The following PUDP variants were observed in gnomAD, a reference collection of about 807,000 sequenced individuals.
PUDP encodes pseudouridine 5'-phosphatase, also known as pseudouridine-5'-phosphatase.
PUDP carries 8 observed loss-of-function variants against 9.4 expected under a neutral mutation model. The observed-to-expected ratio is 0.85, with a 90% CI of 0.50 to 1.53. The LOEUF is 1.53. PUDP is among the 40% of genes most tolerant of loss of function. The pLI is 0.00. For synonymous variants in PUDP, 99 were observed against 80.7 expected, an observed-to-expected ratio of 1.23 and a Z score of -1.22; for missense variants, 188 against 189.7, an observed-to-expected ratio of 0.99 and a Z score of 0.05.
At chrX:6,887,020 T>G (rs942929705) in intron 3 of PUDP, among the ~76,000 whole-genome samples, 4 of 106,421 alleles carry the variant, frequency 3.8e-5, no homozygotes, top group Non-Finnish European at 7.7e-5. Context: ...AGATTACATA[T>G]ATTATATATC....
At chrX:6,877,338 T>G (rs1241192098) in intron 3 of PUDP, among the ~76,000 whole-genome samples, 1 of 110,995 alleles carries the variant, frequency 9.0e-6, no homozygotes, top group African/African-American at 3.3e-5. Context: ...CATCCTAACA[T>G]AAAAAAGAAT....
intron 3 of PUDP, among the ~76,000 whole-genome samples, chrX:6,766,431 ATACTT>A (rs1479397920): frequency 8.9e-6 from 1 of 111,783 alleles, no homozygotes; most frequent in Non-Finnish European, 1.9e-5. Flanking sequence ...TGCTGGAAAA[ATACTT>A]AAGATAATTA....
intron 3 of PUDP, among the ~76,000 whole-genome samples, chrX:6,930,075 T>C (rs887880993): frequency 9.0e-6 from 1 of 111,082 alleles, no homozygotes; most frequent in Non-Finnish European, 1.9e-5. Context: ...AAAAATAGGA[T>C]AGGACTTTCC....
At chrX:7,133,356 G>A in intron 1 of PUDP, among the ~76,000 whole-genome samples, 1 of 111,599 alleles carries the variant, frequency 9.0e-6, no homozygotes, top group Non-Finnish European at 1.9e-5. Flanking sequence ...AGAGGACAGG[G>A]CCCATAACAA....
In PUDP at chrX:7,120,627, T is replaced by A. The variant is rs141779392; in HGVS notation, c.62-14789A>T. 9.0e-3 allele frequency among the ~76,000 whole-genome samples: 1,009 copies of A among 112,058 alleles called. 9 individuals carry two copies. The highest frequency in any genetic ancestry group is 0.03 in the African/African-American group (938 of 30,824). ...AGTTAACTATAAATTTACCATACAA[T>A]CCTCAGGAAGGAATCAGTCCAGTCC... On this transcript the variant is annotated intron_variant, in intron 1 of 3. Coordinates refer to ENST00000381077, the MANE Select transcript of PUDP (RefSeq NM_012080.5).
intron 3 of PUDP, among the ~76,000 whole-genome samples, chrX:6,903,352 G>A (rs1251114727): frequency 9.0e-6 from 1 of 111,479 alleles, no homozygotes; most frequent in Non-Finnish European, 1.9e-5. Context: ...GTGGCCCACA[G>A]ACAGGGTAAT....
At chrX:6,913,603 C>T (rs1260157612) in intron 3 of PUDP, among the ~76,000 whole-genome samples, 1 of 111,648 alleles carries the variant, frequency 9.0e-6, no homozygotes, top group Non-Finnish European at 1.9e-5. Flanking sequence ...TTACCCACTC[C>T]AGTCTTCCAT....
At chrX:6,973,069 T>C in intron 3 of PUDP, among the ~76,000 whole-genome samples, 1 of 112,230 alleles carries the variant, frequency 8.9e-6, no homozygotes, top group Non-Finnish European at 1.9e-5. Context: ...TTTGTAATTT[T>C]TTATTGTGTC....
At chrX:7,081,134 T>C (rs1931072468) in intron 2 of PUDP, among the ~76,000 whole-genome samples, 1 of 111,877 alleles carries the variant, frequency 8.9e-6, no homozygotes, top group South Asian at 3.7e-4. Context: ...TTTGGTGCTA[T>C]TAATTTTAAA....
intron 3 of PUDP, among the ~76,000 whole-genome samples, chrX:7,054,112 C>T (rs768051213): frequency 8.9e-6 from 1 of 112,024 alleles, no homozygotes; most frequent in South Asian, 3.7e-4. Flanking sequence ...CTATCACAAT[C>T]AATCACAATA....
intron 1 of PUDP, among the ~76,000 whole-genome samples, chrX:7,107,384 C>T (rs932405542): frequency 8.9e-6 from 1 of 112,474 alleles, no homozygotes; most frequent in Non-Finnish European, 1.9e-5. Flanking sequence ...GTAACGTGTA[C>T]GCACAGAGAA....
intron 3 of PUDP, among the ~76,000 whole-genome samples, chrX:6,736,709 G>A (rs1924876579): frequency 9.0e-6 from 1 of 111,572 alleles, no homozygotes; most frequent in Non-Finnish European, 1.9e-5. Flanking sequence ...CACCAACATG[G>A]ATGGAGCTGG....
rs138886259 is a variant in PUDP, at chrX:6,780,694, C to A, written c.*248-74228G>T. Among the ~76,000 whole-genome samples the A allele has an allele frequency of 1.2e-4, 13 of 111,291 alleles. No homozygotes were observed. The East Asian group carries it at 3.7e-3, about 32-fold the overall frequency. On this transcript the variant is annotated intron_variant and NMD_transcript_variant, in intron 3 of 3. Coordinates refer to the PUDP transcript ENST00000655425. ...GATGGCGAATGAATTCCCCAATTAT[C>A]TCATCTCAGGATGAGAGGCTGGCTG...
chrX:7,047,493 C>T (rs985882839), downstream of PUDP, among the ~76,000 whole-genome samples: 1 of 111,746 alleles, frequency 8.9e-6, no homozygotes, highest in Non-Finnish European at 1.9e-5. Flanking sequence ...CATAAAGAAC[C>T]AGAATATTTT....
chrX:6,728,602 C>T (rs191467241), intron 3 of PUDP, among the ~76,000 whole-genome samples: 6 of 111,604 alleles, frequency 5.4e-5, no homozygotes, highest in East Asian at 5.6e-4. Flanking sequence ...CCGAAAGTCA[C>T]GTAGGCAGTG....
At chrX:6,842,946 C>T (rs945791622) in intron 3 of PUDP, among the ~76,000 whole-genome samples, 1 of 112,183 alleles carries the variant, frequency 8.9e-6, no homozygotes, top group East Asian at 2.8e-4. Context: ...TGCTTTTATT[C>T]CCGTGTCAAA....
intron 3 of PUDP, among the ~76,000 whole-genome samples, chrX:6,789,765 A>ATAGG (rs1479520609): frequency 1.1e-5 from 1 of 91,931 alleles, no homozygotes; most frequent in Non-Finnish European, 2.1e-5. Context: ...AGGCAGATAG[A>ATAGG]TAGGTAGGTA....
At chrX:6,873,639 AC>A (rs1355096009) in intron 3 of PUDP, among the ~76,000 whole-genome samples, 1 of 111,403 alleles carries the variant, frequency 9.0e-6, no homozygotes, top group African/African-American at 3.3e-5. Context: ...AGCTACAAAA[AC>A]CTCAACTATA....
intron 1 of PUDP, among the ~76,000 whole-genome samples, chrX:6,989,091 C>A (rs1929142058): frequency 9.0e-6 from 1 of 111,186 alleles, no homozygotes; most frequent in Middle Eastern, 4.2e-3. Flanking sequence ...GAGTCAAATC[C>A]CCTTATAAGA....
Sources: gnomAD v4.1 joint callset for allele counts (sites outside exome capture counted in the v4.1 genomes callset) on GRCh38, gnomAD v4.1.1 for gene constraint, MANE v1.5 for transcripts, NCBI Gene and HGNC (gene_info 2026-07-23, HGNC 2026-07-21) for gene names.